Variants in TMF1 observed in about 807,000 individuals in gnomAD.
The protein encoded by TMF1 is TATA element modulatory factor.
TMF1 carries 71 observed loss-of-function variants against 126.5 expected under a neutral mutation model. That is an observed-to-expected ratio of 0.56 (90% CI 0.46 to 0.68). The LOEUF is 0.68. TMF1 is among the 30% of genes least tolerant of loss of function. The pLI, the probability that TMF1 is intolerant of heterozygous loss-of-function variation, is 0.00. For missense variants in TMF1, 1,259 were observed against 1,253.2 expected (o/e 1.00, Z -0.07); for synonymous variants, 461 against 430.5 (o/e 1.07, Z -0.88).
rs2107470362 is a variant in TMF1, at chr3:69,048,057, C to G, written c.648G>C (p.Gln216His). The G allele has an allele frequency of 6.2e-7, 1 of 1,614,102 alleles. No individual in the cohort carries two copies. Among genetic ancestry groups the G allele is most frequent in the Non-Finnish European group, 8.5e-7 (1 of 1,180,040 alleles). ...TGTCCTTTGTTTCTGCTGTGAGAGA[C>G]TGCGTAGACGTATTAGATATACTTT... ...TMESISNTST[Q>H]SLTAETKDIA... Residue 216 changes from glutamine to histidine, a missense_variant, in exon 2 of 17, where the codon CAG (glutamine) becomes CAC (histidine). Physicochemically the swap from Gln to His is conservative, Grantham distance 24. Transcript: ENST00000398559.
rs376423508 is a variant in TMF1, at chr3:69,027,929, T to A, written c.2728A>T (p.Ile910Phe). 1.3e-6 allele frequency: 2 copies of A among 1,587,804 alleles called. No homozygotes were observed. Among genetic ancestry groups the A allele is most frequent in the South Asian group, 2.2e-5 (2 of 89,664 alleles). Residue 910 changes from isoleucine to phenylalanine, a missense_variant, in exon 13 of 17, where the codon ATT (isoleucine) becomes TTT (phenylalanine). Physicochemically the swap from Ile to Phe is conservative, Grantham distance 21. Coordinates refer to ENST00000398559, the MANE Select transcript of TMF1 (RefSeq NM_007114.3). ...MKVEQERKKAIFTQETIKEKE... is the reference protein window; with the variant it reads ...MKVEQERKKAFFTQETIKEKE... ...TCTTTTATTGTTTCTTGAGTAAAAA[T>A]GGCTTTCTTCCTTTCTTGTTCAACT...
At chr3:69,037,693 C>G (rs559673100) in intron 8 of TMF1, among the ~76,000 whole-genome samples, 3 of 152,224 alleles carry the variant, frequency 2.0e-5, no homozygotes, top group Admixed American at 2.0e-4. Flanking sequence ...GTAGTCCCAG[C>G]TACTCAGGAG....
Position 69,033,068 on chromosome 3 carries a change from T to A in TMF1, c.2401+480A>T, listed in dbSNP as rs2091812531. 2.0e-5 allele frequency among the ~76,000 whole-genome samples: 3 copies of A among 151,860 alleles called. No homozygotes were observed. The South Asian group carries it at 6.2e-4, about 32-fold the overall frequency. Reference sequence around the variant, plus strand: ...CAGACAAGCTACAAAGGGGTCAGATTTAGCAATGGACAAGAAAAAAAAATC... The same window carrying A: ...CAGACAAGCTACAAAGGGGTCAGATATAGCAATGGACAAGAAAAAAAAATC... On this transcript the variant is annotated intron_variant, in intron 10 of 16. Transcript: ENST00000398559.
chr3:69,044,524 T>C lies in TMF1; in HGVS notation c.1419A>G (p.Ala473=). 1 of 1,598,750 alleles carries C rather than the reference T, an allele frequency of 6.3e-7. No individual in the cohort carries two copies. Among genetic ancestry groups the C allele is most frequent in the Non-Finnish European group, 8.5e-7 (1 of 1,175,268 alleles). ...GGTTATCAAAAGCTTCTTCTAGAAG[T>C]GCTTTTTCCTTACTAAGAGATAATA... is the stretch of plus-strand genomic sequence containing the variant. ...AQLLSLSKEK[A]LLEEAFDNLK... The change falls in exon 3 of 17, where the codon GCA becomes GCG. Residue 473 remains alanine (A), a synonymous_variant. Coordinates refer to ENST00000398559, the MANE Select transcript of TMF1 (RefSeq NM_007114.3).
chr3:69,051,035 C>G (rs2091924905), intron 1 of TMF1, among the ~76,000 whole-genome samples: 1 of 152,226 alleles, frequency 6.6e-6, no homozygotes, highest in Admixed American at 6.5e-5. Flanking sequence ...TTGGGTCACA[C>G]ATTTTCCGGC....
At chr3:69,043,966 T>C (rs2091881164) in intron 3 of TMF1, 90 bp from the exon 4 acceptor site, 2 of 1,059,698 alleles carry the variant, frequency 1.9e-6, no homozygotes, top group Admixed American at 2.6e-5. Context: ...AAGATAACTT[T>C]TCTCTGACAT....
chr3:69,040,562 G>A (rs1255767071), intron 5 of TMF1: 1 of 152,228 alleles, frequency 6.6e-6, no homozygotes, highest in Non-Finnish European at 1.5e-5. Flanking sequence ...ATGAATCTAG[G>A]TGATGAAGTA....
intron 11 of TMF1, among the ~76,000 whole-genome samples, chr3:69,028,703 T>A (rs2091783042): frequency 8.5e-6 from 1 of 118,320 alleles, no homozygotes; most frequent in Admixed American, 9.9e-5. Flanking sequence ...AAAAGTAAAA[T>A]TTCCAAGGAA....
intron 8 of TMF1, among the ~76,000 whole-genome samples, chr3:69,037,698 C>A (rs1222791566): frequency 1.3e-5 from 2 of 151,996 alleles, no homozygotes; most frequent in Non-Finnish European, 2.9e-5. Context: ...CCCAGCTACT[C>A]AGGAGGCTGA....
intron 10 of TMF1, among the ~76,000 whole-genome samples, chr3:69,031,878 C>T (rs891954633): frequency 6.6e-6 from 1 of 152,130 alleles, no homozygotes; most frequent in African/African-American, 2.4e-5. Context: ...CTAAAAACCA[C>T]AAAAGTACCA....
At chr3:69,037,343 A>C (rs185108560) in intron 8 of TMF1, among the ~76,000 whole-genome samples, 5 of 152,242 alleles carry the variant, frequency 3.3e-5, no homozygotes, top group Admixed American at 3.3e-4. Flanking sequence ...AAATACAAAA[A>C]AAAATTAGCA....
At chr3:69,048,886 C>T (rs370413821) in intron 1 of TMF1, 60 of 207,254 alleles carry the variant, frequency 2.9e-4, no homozygotes, top group African/African-American at 1.4e-3. Flanking sequence ...TGTTTTATAA[C>T]CCACAGTAAG....
At chr3:69,048,842 C>T in intron 1 of TMF1, 1 of 290,264 alleles carries the variant, frequency 3.4e-6, no homozygotes, top group Middle Eastern at 9.6e-4. Flanking sequence ...GTATGTTATT[C>T]CTCCCCACAA....
At chr3:69,023,681 C>A (rs2091751551) in intron 16 of TMF1, among the ~76,000 whole-genome samples, 1 of 152,024 alleles carries the variant, frequency 6.6e-6, no homozygotes, top group Non-Finnish European at 1.5e-5. Context: ...CAGGAAAGAT[C>A]AAAAGAAAAC....
At chr3:69,032,564 C>T (rs1210365430) in intron 10 of TMF1, among the ~76,000 whole-genome samples, 1 of 151,634 alleles carries the variant, frequency 6.6e-6, no homozygotes, top group Non-Finnish European at 1.5e-5. Flanking sequence ...TTATTAACAT[C>T]ACAGAAGGGC....
intron 8 of TMF1, among the ~76,000 whole-genome samples, chr3:69,036,955 C>A (rs1043971887): frequency 5.3e-5 from 8 of 151,520 alleles, no homozygotes; most frequent in African/African-American, 1.9e-4. Context: ...AACCTTTTGG[C>A]ATCAAAGGAC....
At chr3:69,029,638 G>C (rs529784455) in intron 11 of TMF1, among the ~76,000 whole-genome samples, 177 bp downstream of exon 11, 17 of 150,416 alleles carry the variant, frequency 1.1e-4, no homozygotes, top group East Asian at 8.0e-4. Context: ...AGTAGGTTTC[G>C]CCATGTTGGC....
At chr3:69,050,428 G>A (rs1277094730) in intron 1 of TMF1, among the ~76,000 whole-genome samples, 2 of 151,990 alleles carry the variant, frequency 1.3e-5, no homozygotes, top group Non-Finnish European at 1.5e-5. Context: ...ATATGCAAAT[G>A]AACAACCAAG....
Position 69,028,234 on chromosome 3 carries a change from T to G in TMF1, c.2656A>C (p.Lys886Gln). 6.2e-7 allele frequency: 1 copy of G among 1,612,950 alleles called. No homozygotes were observed. The highest frequency in any genetic ancestry group is 8.5e-7 in the Non-Finnish European group (1 of 1,179,204). ...GTCACGAAGAGAAATACCTTTTCTT[T>G]CCTCGTCTCTTCAAGTGTTCTTACA... ...EYVRTLEETR[K>Q]EKTLLNSQLE... The change falls in exon 12 of 17, where the codon AAA becomes CAA. Residue 886 changes from lysine (K) to glutamine (Q), a missense_variant. Lys to Gln is a moderately conservative substitution (Grantham distance 53). Transcript: ENST00000398559.
Sources: allele counts gnomAD v4.1 joint callset (sites outside exome capture counted in the v4.1 genomes callset), GRCh38; gene constraint gnomAD v4.1.1; transcripts MANE v1.5; gene names NCBI Gene and HGNC (gene_info 2026-07-23, HGNC 2026-07-21).